GUCA1C: variants seen among roughly 807,000 people sequenced by gnomAD.
GUCA1C encodes the protein guanylate cyclase activator 1C, also known as guanylyl cyclase-activating protein 3.
GUCA1C carries 15 observed loss-of-function variants against 16.2 expected under a neutral mutation model. That is an observed-to-expected ratio of 0.93 (90% CI 0.62 to 1.43). The LOEUF is 1.43. Ranked by LOEUF, GUCA1C falls within the 40% of genes most tolerant of loss-of-function variation. The pLI, the probability that GUCA1C is intolerant of heterozygous loss-of-function variation, is 0.00. For synonymous variants in GUCA1C, 78 were observed against 85.4 expected (o/e 0.91, Z 0.48); for missense variants, 275 against 244.8 (o/e 1.12, Z -0.82).
intron 1 of GUCA1C, among the ~76,000 whole-genome samples, chr3:108,932,225 C>T (rs1032818053): frequency 7.4e-5 from 11 of 149,602 alleles, no homozygotes; most frequent in Admixed American, 2.0e-4. Context: ...TTGGAAATGA[C>T]GAATTCTTAT....
chr3:108,950,358 G>C (rs537828439), intron 1 of GUCA1C, among the ~76,000 whole-genome samples: 12 of 152,150 alleles, frequency 7.9e-5, no homozygotes, highest in Non-Finnish European at 1.8e-4. Context: ...AATAAACATG[G>C]AGTGCAGATA....
At chr3:108,921,018 A>G (rs570317151) in intron 1 of GUCA1C, among the ~76,000 whole-genome samples, 2 of 152,296 alleles carry the variant, frequency 1.3e-5, no homozygotes, top group South Asian at 4.1e-4. Context: ...TAGATATATA[A>G]TGCCATGTAC....
At chr3:108,939,452 G>A (rs1244427638) in intron 1 of GUCA1C, among the ~76,000 whole-genome samples, 1 of 145,204 alleles carries the variant, frequency 6.9e-6, no homozygotes, top group Admixed American at 7.1e-5. Context: ...TCAGCCACCC[G>A]AGTCGCTGGG....
rs1242419883 is a variant in GUCA1C at position 108,953,710 on chromosome 3, T to C, written c.53A>G (p.Glu18Gly). 6.2e-7 allele frequency: 1 copy of C among 1,612,172 alleles called. No homozygotes were observed. Among genetic ancestry groups the C allele is most frequent in the Non-Finnish European group, 8.5e-7 (1 of 1,178,362 alleles). The change falls in exon 1 of 4, where the codon GAG becomes GGG. Residue 18 changes from glutamate to glycine, a missense_variant. Coordinates refer to ENST00000261047, the MANE Select transcript of GUCA1C (RefSeq NM_005459.4). ...AGDQKAVPTQ[E>G]THVWYRTFMM... ...AAATGTTCTGTACCACACATGGGTC[T>C]CTTGTGTAGGAACTGCTTTCTGATC...
intron 1 of GUCA1C, among the ~76,000 whole-genome samples, chr3:108,921,097 C>T (rs910905813): frequency 1.1e-4 from 16 of 152,150 alleles, no homozygotes; most frequent in Admixed American, 7.9e-4. Flanking sequence ...CCTATTTAAT[C>T]TTCCCTAACT....
At position 108,934,808 on chromosome 3, in the gene GUCA1C, C is replaced by CTTTTTTTTT. The variant is rs71629371; in HGVS notation, c.205-14232_205-14224dup. On this transcript the variant is annotated intron_variant, in intron 1 of 3. Coordinates refer to ENST00000261047, the MANE Select transcript of GUCA1C (RefSeq NM_005459.4). ...ACATATTCTCACTTATGTTCTTGAT[C>CTTTTTTTTT]TTTTTTTTTTTTTTTTTTTTTTTGA... Among the ~76,000 whole-genome samples the CTTTTTTTTT allele has an allele frequency of 6.7e-3, 577 of 86,102 alleles. 31 individuals are homozygous for CTTTTTTTTT. Among genetic ancestry groups the CTTTTTTTTT allele is most frequent in the Middle Eastern group, 0.054 (4 of 74 alleles). 56.5% of individuals were successfully genotyped at this position (86,102 alleles called of 152,430 possible). A position where few individuals can be genotyped will look rare whatever the true frequency, so the allele number is the denominator to read the frequency against.
upstream of GUCA1C, chr3:108,953,943 G>C: frequency 1.7e-6 from 1 of 579,790 alleles, no homozygotes; most frequent in East Asian, 2.8e-5. Flanking sequence ...TATCTGCCCA[G>C]TTTTAAAACC....
At chr3:108,925,825 G>A (rs1576548747) in intron 1 of GUCA1C, among the ~76,000 whole-genome samples, 4 of 152,240 alleles carry the variant, frequency 2.6e-5, no homozygotes, top group South Asian at 2.1e-4. Context: ...AGTGGCTCAC[G>A]CCTGTAATCC....
chr3:108,941,076 A>G (rs988228400), intron 1 of GUCA1C, among the ~76,000 whole-genome samples: 1 of 152,160 alleles, frequency 6.6e-6, no homozygotes, highest in Non-Finnish European at 1.5e-5. Context: ...AAAAAAAACA[A>G]AACCAGCAAG....
At chr3:108,911,760 C>T (rs1420303727) in intron 3 of GUCA1C, among the ~76,000 whole-genome samples, 7 of 152,128 alleles carry the variant, frequency 4.6e-5, no homozygotes, top group Admixed American at 4.6e-4. Context: ...TAATCAATAA[C>T]ATTTATTTGT....
intron 1 of GUCA1C, among the ~76,000 whole-genome samples, chr3:108,946,790 G>A (rs1171737633): frequency 6.8e-6 from 1 of 147,250 alleles, no homozygotes; most frequent in Middle Eastern, 3.6e-3. Context: ...GGAAGAAGAC[G>A]ATTAGAGAAC....
At chr3:108,920,196 C>G (rs889268710) in intron 2 of GUCA1C, among the ~76,000 whole-genome samples, 1 of 152,156 alleles carries the variant, frequency 6.6e-6, no homozygotes, top group Admixed American at 6.5e-5. Flanking sequence ...TTCATTTCTT[C>G]ATCGCAATGC....
chr3:108,951,849 C>T (rs1180945591), intron 1 of GUCA1C, among the ~76,000 whole-genome samples: 1 of 152,234 alleles, frequency 6.6e-6, no homozygotes, highest in African/African-American at 2.4e-5. Flanking sequence ...GACACACACA[C>T]ACCTGTTTGG....
chr3:108,916,204 G>A lies in GUCA1C; in HGVS notation c.365C>T (p.Ala122Val), dbSNP rs372982551. 23 of 1,608,220 alleles carry A rather than the reference G, an allele frequency of 1.4e-5. No homozygotes were observed. The African/African-American group carries it at 3.1e-4, about 22-fold the overall frequency. Residue 122 changes from alanine to valine, a missense_variant, in exon 3 of 4, where the codon GCC becomes GTC. Coordinates refer to ENST00000261047, the MANE Select transcript of GUCA1C (RefSeq NM_005459.4). ...ACTCAGAGTTTGCTGGCCATTGAGG[G>A]CTTGTACCGCCTGCAAAAAGACATT... ...ELLDMFMAVQ[A>V]LNGQQTLSPE...
chr3:108,928,752 T>C (rs1946643478), intron 1 of GUCA1C, among the ~76,000 whole-genome samples: 7 of 152,224 alleles, frequency 4.6e-5, no homozygotes, highest in Admixed American at 4.6e-4. Flanking sequence ...TGACTAGATA[T>C]ATGTGGGTCT....
At chr3:108,913,263 A>G (rs1478137385) in intron 3 of GUCA1C, among the ~76,000 whole-genome samples, 1 of 151,638 alleles carries the variant, frequency 6.6e-6, no homozygotes, top group African/African-American at 2.4e-5. Context: ...GTGTACAGTC[A>G]ACAGCATTTT....
intron 3 of GUCA1C, among the ~76,000 whole-genome samples, chr3:108,913,863 C>T (rs550201728): frequency 7.6e-4 from 115 of 151,192 alleles, no homozygotes; most frequent in African/African-American, 2.7e-3. Context: ...GTCAGGAGTT[C>T]GAGACCAGCC....
intron 1 of GUCA1C, among the ~76,000 whole-genome samples, chr3:108,949,997 T>A (rs1946882974): frequency 6.6e-6 from 1 of 152,206 alleles, no homozygotes; most frequent in African/African-American, 2.4e-5. Context: ...TCATCCTGCA[T>A]AACTAAAACT....
At chr3:108,938,024 C>T (rs1366293899) in intron 1 of GUCA1C, among the ~76,000 whole-genome samples, 3 of 151,536 alleles carry the variant, frequency 2.0e-5, no homozygotes, top group South Asian at 4.2e-4. Flanking sequence ...GAGCCGAGAT[C>T]GCACCACTGC....
Sources: allele counts gnomAD v4.1 joint callset (sites outside exome capture counted in the v4.1 genomes callset), GRCh38; gene constraint gnomAD v4.1.1; transcripts MANE v1.5; gene names NCBI Gene and HGNC (gene_info 2026-07-23, HGNC 2026-07-21).